The following SPATA17 variants were observed in gnomAD, a reference collection of about 807,000 sequenced individuals.
SPATA17 encodes the protein spermatogenesis associated 17, also known as spermatogenesis-associated protein 17.
Under a neutral mutation model 62.2 loss-of-function variants are expected in SPATA17, and 53 were observed. The ratio of observed to expected loss-of-function variants is 0.85; its 90% confidence interval spans 0.68 to 1.07. The LOEUF is 1.07. Among genes scored for constraint, SPATA17 ranks in the 50% least tolerant of loss-of-function variants. The probability of loss-of-function intolerance (pLI) is 0.00; values close to 1 mark genes in which losing one functional copy is unlikely to be tolerated. For missense variants in SPATA17, 466 were observed against 425.5 expected, an observed-to-expected ratio of 1.10 and a Z score of -0.84; for synonymous variants, 146 against 146.8, an observed-to-expected ratio of 0.99 and a Z score of 0.04.
chr1:217,782,277 A>G lies in SPATA17; in HGVS notation c.827A>G (p.Glu276Gly), dbSNP rs763425521. 3 of 1,612,330 alleles carry G rather than the reference A, an allele frequency of 1.9e-6. No individual in the cohort carries two copies. Among genetic ancestry groups the G allele is most frequent in the African/African-American group, 1.3e-5 (1 of 74,966 alleles). ...EPIDELKLAR[E>G]ELRREEWLQN... is the part of the protein sequence containing the mutation. The stretch of plus-strand genomic sequence containing the variant: ...ATCGATGAGTTAAAGTTGGCCAGAG[A>G]GGAGCTCAGAAGAGAGGAATGGCTG... Residue 276 changes from glutamate to glycine, a missense_variant, in exon 8 of 11, where the codon GAG (glutamate) becomes GGG (glycine). Transcript: ENST00000366933.
chr1:217,856,366 G>A (rs371470250), intron 9 of SPATA17, among the ~76,000 whole-genome samples: 9 of 152,196 alleles, frequency 5.9e-5, no homozygotes, highest in African/African-American at 1.2e-4. Flanking sequence ...AAACAAACAC[G>A]GCAGAGGCTA....
intron 3 of SPATA17, among the ~76,000 whole-genome samples, chr1:217,656,901 A>G (rs1670456888): frequency 6.6e-6 from 1 of 152,144 alleles, no homozygotes; most frequent in African/African-American, 2.4e-5. Flanking sequence ...ACTCAGTTTG[A>G]CCTGATTTCA....
chr1:217,646,891 T>C (rs11117903), intron 1 of SPATA17, among the ~76,000 whole-genome samples: 91,402 of 151,794 alleles, frequency 0.6, 28,465 homozygotes, highest in African/African-American at 0.68. Context: ...AAGACTCTGT[T>C]TCAAAAAAAC....
At chr1:217,636,131 CAAAAAAAAAA>C (rs397982927) in intron 1 of SPATA17, among the ~76,000 whole-genome samples, 2 of 101,658 alleles carry the variant, frequency 2.0e-5, no homozygotes, top group African/African-American at 4.3e-5. Flanking sequence ...GACTCCGTCT[CAAAAAAAAAA>C]AAAAAAAAAG....
At chr1:217,634,961 C>T (rs1313477881) in intron 1 of SPATA17, among the ~76,000 whole-genome samples, 1 of 151,984 alleles carries the variant, frequency 6.6e-6, no homozygotes, top group Non-Finnish European at 1.5e-5. Context: ...TTCCTAGCTT[C>T]ATTTCTGTTC....
intron 5 of SPATA17, among the ~76,000 whole-genome samples, chr1:217,738,500 CT>C (rs1672561647): frequency 6.6e-6 from 1 of 152,218 alleles, no homozygotes; most frequent in South Asian, 2.1e-4. Context: ...ATTTTGAGTA[CT>C]TTACATTGAT....
At chr1:217,800,340 G>C (rs955759261) in intron 8 of SPATA17, among the ~76,000 whole-genome samples, 6 of 151,626 alleles carry the variant, frequency 4.0e-5, no homozygotes, top group African/African-American at 1.5e-4. Context: ...GATGCAATCA[G>C]TCTTCTGAAG....
At chr1:217,767,633 A>G (rs756131218) in intron 6 of SPATA17, among the ~76,000 whole-genome samples, 6 of 152,096 alleles carry the variant, frequency 3.9e-5, no homozygotes, top group Non-Finnish European at 4.4e-5. Context: ...TCTTCCTTCA[A>G]CCATGTCCAA....
intron 7 of SPATA17, among the ~76,000 whole-genome samples, chr1:217,779,985 G>A (rs1673695912): frequency 6.6e-6 from 1 of 152,086 alleles, no homozygotes; most frequent in South Asian, 2.1e-4. Context: ...CCATAGCTAA[G>A]AGTCCAGAAA....
chr1:217,669,444 C>T (rs1479308263), intron 4 of SPATA17, among the ~76,000 whole-genome samples: 1 of 152,104 alleles, frequency 6.6e-6, no homozygotes, highest in Non-Finnish European at 1.5e-5. Context: ...CTGCCCAATA[C>T]AAATCAATTA....
intron 8 of SPATA17, among the ~76,000 whole-genome samples, chr1:217,792,749 G>T (rs149517848): frequency 5.3e-5 from 8 of 152,046 alleles, no homozygotes; most frequent in Non-Finnish European, 1.2e-4. Context: ...CTGTGGTCTC[G>T]GGGAGGGGTG....
chr1:217,801,382 T>C (rs1203732815), intron 8 of SPATA17, among the ~76,000 whole-genome samples: 2 of 152,200 alleles, frequency 1.3e-5, no homozygotes, highest in Non-Finnish European at 2.9e-5. Context: ...ATTTTAAAAT[T>C]AAGAACATTT....
At chr1:217,759,168 A>C (rs911857018) in intron 6 of SPATA17, among the ~76,000 whole-genome samples, 19 of 152,314 alleles carry the variant, frequency 1.2e-4, no homozygotes, top group African/African-American at 4.6e-4. Flanking sequence ...ATTACAAAAA[A>C]GTAGATGAAG....
intron 5 of SPATA17, among the ~76,000 whole-genome samples, chr1:217,685,288 C>G (rs1438611733): frequency 6.6e-6 from 1 of 152,020 alleles, no homozygotes; most frequent in Non-Finnish European, 1.5e-5. Flanking sequence ...TTGTCTGAGC[C>G]CTGAATAGGA....
intron 5 of SPATA17, among the ~76,000 whole-genome samples, chr1:217,701,797 G>A (rs922320891): frequency 3.3e-5 from 5 of 151,640 alleles, no homozygotes; most frequent in Admixed American, 6.6e-5. Context: ...ATACTCTTTC[G>A]TTTCCGTTTC....
Position 217,648,964 on chromosome 1 carries a change from T to C in SPATA17, c.151T>C (p.Tyr51His), listed in dbSNP as rs1452400500. ...SWFRGCQVRA[Y>H]IRHLNRIVTI... Reference sequence around the variant, plus strand: ...GTTTCGAGGATGTCAAGTTCGGGCATATATCAGGTATATTGCTTTTGTCAT... The same window carrying C: ...GTTTCGAGGATGTCAAGTTCGGGCACATATCAGGTATATTGCTTTTGTCAT... Residue 51 changes from tyrosine to histidine, a missense_variant, in exon 2 of 11, where the codon TAT (tyrosine) becomes CAT (histidine). By Grantham distance (83) the Tyr-to-His change is moderately conservative. Transcript: ENST00000366933. 5 of 1,605,282 alleles carry C rather than the reference T, an allele frequency of 3.1e-6. No homozygotes were observed. The highest frequency in any genetic ancestry group is 3.4e-6 in the Non-Finnish European group (4 of 1,175,498).
intron 9 of SPATA17, among the ~76,000 whole-genome samples, chr1:217,819,317 T>C (rs1674804148): frequency 6.6e-6 from 1 of 152,000 alleles, no homozygotes; most frequent in Non-Finnish European, 1.5e-5. Flanking sequence ...AATAATGTTG[T>C]AGGGAAGAAG....
chr1:217,817,739 C>T (rs1461628478), intron 9 of SPATA17, among the ~76,000 whole-genome samples: 1 of 152,038 alleles, frequency 6.6e-6, no homozygotes, highest in Admixed American at 6.6e-5. Flanking sequence ...TTACGTAAGT[C>T]TAATATTTTT....
At chr1:217,840,051 T>C (rs1276078216) in intron 9 of SPATA17, among the ~76,000 whole-genome samples, 2 of 152,156 alleles carry the variant, frequency 1.3e-5, no homozygotes, top group Non-Finnish European at 2.9e-5. Context: ...CTGCAATCTC[T>C]ATACAATTAT....
Sources: allele counts gnomAD v4.1 joint callset (sites outside exome capture counted in the v4.1 genomes callset), GRCh38; gene constraint gnomAD v4.1.1; transcripts MANE v1.5; gene names NCBI Gene and HGNC (gene_info 2026-07-23, HGNC 2026-07-21).